TDRD3: variants seen among roughly 807,000 people sequenced by gnomAD.
TDRD3 encodes tudor domain containing 3, also known as tudor domain-containing protein 3.
In TDRD3, 45 loss-of-function variants were observed where a neutral mutation model predicts 86.7. The observed-to-expected ratio is 0.52, with a 90% CI of 0.41 to 0.67. TDRD3 has a LOEUF of 0.67. TDRD3 is among the 30% of genes least tolerant of loss of function. The pLI, the probability that TDRD3 is intolerant of heterozygous loss-of-function variation, is 0.00. For synonymous variants in TDRD3, 298 were observed against 301.7 expected, an observed-to-expected ratio of 0.99 and a Z score of 0.13; for missense variants, 814 against 889.0, an observed-to-expected ratio of 0.92 and a Z score of 1.07.
intron 12 of TDRD3, 112 bp from the exon 13 acceptor site, chr13:60,567,413 A>G (rs1009491379): frequency 7.2e-7 from 1 of 1,383,794 alleles, no homozygotes; most frequent in Non-Finnish European, 1.0e-6. Flanking sequence ...ACATGTGTGA[A>G]TTCCAGGGCA....
At chr13:60,527,612 C>G (rs1566274369) in intron 10 of TDRD3, among the ~76,000 whole-genome samples, 1 of 152,120 alleles carries the variant, frequency 6.6e-6, no homozygotes, top group African/African-American at 2.4e-5. Context: ...GAATAAAAAT[C>G]ACTATGTGAA....
At chr13:60,532,935 A>G (rs974103370) in intron 11 of TDRD3, among the ~76,000 whole-genome samples, 5 of 152,174 alleles carry the variant, frequency 3.3e-5, no homozygotes, top group Admixed American at 6.5e-5. Flanking sequence ...TTATATCCCA[A>G]TAAACCCATC....
chr13:60,404,597 A>G (rs1226004306), intron 1 of TDRD3, among the ~76,000 whole-genome samples: 1 of 148,022 alleles, frequency 6.8e-6, no homozygotes, highest in East Asian at 2.0e-4. Flanking sequence ...GGCGTGAGCC[A>G]CCGCGCCCGG....
chr13:60,557,666 C>G (rs755194676), intron 12 of TDRD3, among the ~76,000 whole-genome samples: 7 of 152,000 alleles, frequency 4.6e-5, no homozygotes, highest in Admixed American at 1.3e-4. Flanking sequence ...CATCAGCAAA[C>G]AACTATTTTT....
chr13:60,416,045 C>G (rs1347971143), intron 1 of TDRD3, among the ~76,000 whole-genome samples: 2 of 151,920 alleles, frequency 1.3e-5, no homozygotes, highest in African/African-American at 2.4e-5. Context: ...TTTAAAATAC[C>G]CTTTGCTTAA....
chr13:60,466,653 G>A lies in TDRD3; in HGVS notation c.354-585G>A, dbSNP rs9646037. The stretch of plus-strand genomic sequence containing the variant: ...AAATACAAAAATTAGCTGGTCGTGG[G>A]GGCGCATGCCTGTAATCCCAGCTAC... On this transcript the variant is annotated intron_variant, in intron 4 of 13. Coordinates refer to ENST00000377881, the MANE Select transcript of TDRD3 (RefSeq NM_001146070.2). Among the ~76,000 whole-genome samples the A allele has an allele frequency of 2.5e-3, 381 of 151,808 alleles. 2 individuals carry two copies. Among genetic ancestry groups the A allele is most frequent in the African/African-American group, 7.8e-3 (325 of 41,408 alleles).
At chr13:60,542,841 GGTGAGTGGTATCTTTTGAT>G (rs1957847982) in intron 12 of TDRD3, among the ~76,000 whole-genome samples, 2 of 151,614 alleles carry the variant, frequency 1.3e-5, no homozygotes, top group Non-Finnish European at 2.9e-5. Flanking sequence ...TTTTACCTCT[GGTGAGTGGTATCTTTTGAT>G]GTATATGGGC....
intron 12 of TDRD3, chr13:60,547,110 A>C (rs1044133876): frequency 5.7e-6 from 2 of 350,380 alleles, no homozygotes; most frequent in African/African-American, 4.4e-5. Context: ...AATTTTCATT[A>C]TAAAAAATGT....
intron 8 of TDRD3, among the ~76,000 whole-genome samples, chr13:60,494,937 C>T (rs1165872256): frequency 6.6e-6 from 1 of 152,164 alleles, no homozygotes; most frequent in Admixed American, 6.5e-5. Context: ...TTCTACTGCT[C>T]TTTGGGAAGA....
chr13:60,442,979 T>C (rs1056811119), intron 2 of TDRD3, among the ~76,000 whole-genome samples: 2 of 152,056 alleles, frequency 1.3e-5, no homozygotes, highest in Non-Finnish European at 2.9e-5. Flanking sequence ...TGATATATTA[T>C]AAAATTTGTA....
chr13:60,459,145 A>C (rs1220232140), intron 3 of TDRD3, among the ~76,000 whole-genome samples: 1 of 152,254 alleles, frequency 6.6e-6, no homozygotes, highest in Non-Finnish European at 1.5e-5. Context: ...AATATGGAGT[A>C]GAAATTTTTC....
chr13:60,490,164 C>G (rs1201371245), intron 7 of TDRD3, among the ~76,000 whole-genome samples: 1 of 148,920 alleles, frequency 6.7e-6, no homozygotes, highest in Non-Finnish European at 1.5e-5. Flanking sequence ...GCAAGGTTAT[C>G]CAGTGATAAT....
At position 60,431,962 on chromosome 13, in the gene TDRD3, G is replaced by A. The variant is rs545722573; in HGVS notation, c.42-7726G>A. 2.0e-5 allele frequency among the ~76,000 whole-genome samples: 3 copies of A among 151,966 alleles called. No homozygotes were observed. The South Asian group carries it at 6.2e-4, about 32-fold the overall frequency. ...CAGAGAAAATTAAATTTTTAAGCTA[G>A]CATTGATTCAAGTCCTGGTTTAATT... On this transcript the variant is annotated intron_variant, in intron 1 of 13. Transcript: ENST00000377881.
intron 12 of TDRD3, among the ~76,000 whole-genome samples, chr13:60,543,189 G>A (rs573659730): frequency 1.3e-5 from 2 of 152,242 alleles, no homozygotes; most frequent in African/African-American, 4.8e-5. Context: ...AGTTTAATAA[G>A]AGTAAACATA....
Position 60,510,698 on chromosome 13 carries a change from G to A in TDRD3, c.1084G>A (p.Ala362Thr). Reference protein sequence around the residue: ...EEDLGNARPSAPSTLFDFLES... With the variant: ...EEDLGNARPSTPSTLFDFLES... The stretch of plus-strand genomic sequence containing the variant: ...GGACCTGGGAAATGCAAGGCCATCA[G>A]CACCAAGCACATTATTTGATTTCTT... Residue 362 changes from alanine to threonine, a missense_variant, in exon 10 of 14, where the codon GCA becomes ACA. Physicochemically the swap from Ala to Thr is moderately conservative, Grantham distance 58. Transcript: ENST00000377881. 1 of 1,602,470 alleles carries A rather than the reference G, an allele frequency of 6.2e-7. No individual in the cohort carries two copies. Among genetic ancestry groups the A allele is most frequent in the Non-Finnish European group, 8.5e-7 (1 of 1,174,606 alleles).
intron 1 of TDRD3, among the ~76,000 whole-genome samples, chr13:60,438,041 T>G (rs1199221340): frequency 6.6e-6 from 1 of 152,148 alleles, no homozygotes; most frequent in Non-Finnish European, 1.5e-5. Context: ...TGATAGCTGT[T>G]TATGTATTGT....
chr13:60,485,970 C>G, intron 7 of TDRD3, 22 bp downstream of exon 7: 4 of 1,576,646 alleles, frequency 2.5e-6, no homozygotes, highest in Non-Finnish European at 3.4e-6. Context: ...AATCATTACA[C>G]GTTTTATTTC....
chr13:60,397,087 A>C (rs1157694984), upstream of TDRD3: 1 of 345,486 alleles, frequency 2.9e-6, no homozygotes, highest in Non-Finnish European at 5.2e-6. Flanking sequence ...AACCGTCCTG[A>C]CTCCAGCCAC....
intron 12 of TDRD3, among the ~76,000 whole-genome samples, chr13:60,566,375 T>G (rs2137989103): frequency 6.6e-6 from 1 of 152,254 alleles, no homozygotes; most frequent in African/African-American, 2.4e-5. Flanking sequence ...TCTTACCATC[T>G]TTGTTTCCAT....
Sources: allele counts gnomAD v4.1 joint callset (sites outside exome capture counted in the v4.1 genomes callset), GRCh38; gene constraint gnomAD v4.1.1; transcripts MANE v1.5; gene names NCBI Gene and HGNC (gene_info 2026-07-23, HGNC 2026-07-21).